Variants in ZNF599 observed in about 807,000 individuals in gnomAD.
The protein encoded by ZNF599 is zinc finger protein 599.
A neutral mutation model predicts 11.7 loss-of-function variants in ZNF599; 10 were observed. That is an observed-to-expected ratio of 0.86 (90% CI 0.53 to 1.45). The LOEUF (loss-of-function observed/expected upper bound fraction) is 1.45. Among genes scored for constraint, ZNF599 ranks in the 40% most tolerant of loss-of-function variants. The pLI, the probability that ZNF599 is intolerant of heterozygous loss-of-function variation, is 0.00. For synonymous variants in ZNF599, 232 were observed against 253.2 expected, an observed-to-expected ratio of 0.92 and a Z score of 0.79; for missense variants, 688 against 713.6, an observed-to-expected ratio of 0.96 and a Z score of 0.41.
the ZNF599 span, among the ~76,000 whole-genome samples, chr19:34,786,875 CA>C: frequency 3.1e-4 from 47 of 152,232 alleles, no homozygotes; most frequent in African/African-American, 1.1e-3. Context: ...AACCTACATT[CA>C]AAATGAAAAA....
At chr19:34,791,843 C>A in the ZNF599 span, 1 of 152,220 alleles carries the variant, frequency 6.6e-6, no homozygotes. Context: ...TTATGAGAGG[C>A]CTCTCTTCAC....
chr19:34,801,790 A>G, the ZNF599 span, among the ~76,000 whole-genome samples: 1 of 152,248 alleles, frequency 6.6e-6, no homozygotes, highest in Non-Finnish European at 1.5e-5. Context: ...TCAAAGGTAA[A>G]GGACTTATTT....
At chr19:34,781,848 T>G in the ZNF599 span, among the ~76,000 whole-genome samples, 30 of 152,096 alleles carry the variant, frequency 2.0e-4, no homozygotes, top group Non-Finnish European at 3.1e-4. Context: ...AACCCATGAA[T>G]TGTAGGCTAA....
chr19:34,774,450 CTG>C (rs1466061243), upstream of ZNF599, among the ~76,000 whole-genome samples: 3 of 152,182 alleles, frequency 2.0e-5, no homozygotes, highest in East Asian at 3.8e-4. Context: ...ATCCTGGACA[CTG>C]TGAAAAGTAA....
the ZNF599 span, among the ~76,000 whole-genome samples, chr19:34,786,039 G>T: frequency 3.4e-4 from 52 of 152,164 alleles, no homozygotes; most frequent in Non-Finnish European, 5.4e-4. Flanking sequence ...CATTTCAGGA[G>T]GATCATAGCT....
At chr19:34,786,152 T>G in the ZNF599 span, among the ~76,000 whole-genome samples, 1 of 152,164 alleles carries the variant, frequency 6.6e-6, no homozygotes, top group African/African-American at 2.4e-5. Flanking sequence ...TCCTTTGAAC[T>G]CTCTCCTCAC....
the ZNF599 span, among the ~76,000 whole-genome samples, chr19:34,785,491 C>T: frequency 6.6e-6 from 1 of 152,204 alleles, no homozygotes; most frequent in South Asian, 2.1e-4. Context: ...ACTCCTCACT[C>T]AGGCATTCCA....
At chr19:34,803,555 C>G in the ZNF599 span, among the ~76,000 whole-genome samples, 1 of 152,072 alleles carries the variant, frequency 6.6e-6, no homozygotes, top group African/African-American at 2.4e-5. Flanking sequence ...TTCTATAAAT[C>G]CACCCCATAT....
At chr19:34,795,132 C>G in the ZNF599 span, among the ~76,000 whole-genome samples, 3 of 151,980 alleles carry the variant, frequency 2.0e-5, no homozygotes, top group Non-Finnish European at 4.4e-5. Flanking sequence ...AAGCAAGGGC[C>G]AAAGATCAGT....
intron 3 of ZNF599, chr19:34,763,105 T>C (rs544498856): frequency 6.6e-6 from 1 of 152,304 alleles, no homozygotes; most frequent in East Asian, 1.9e-4. Context: ...AGTGGCCATG[T>C]ATGCAAGGGA....
chr19:34,771,332 T>C (rs1264805365), intron 1 of ZNF599, among the ~76,000 whole-genome samples: 2 of 152,164 alleles, frequency 1.3e-5, no homozygotes, highest in East Asian at 1.9e-4. Flanking sequence ...CTATGCAACC[T>C]TGGGTAGTTA....
At position 34,759,666 on chromosome 19, in the gene ZNF599, T is replaced by C; in HGVS notation, c.1135A>G (p.Asn379Asp). The C allele has an allele frequency of 6.2e-7, 1 of 1,614,216 alleles. No homozygotes were observed. Among genetic ancestry groups the C allele is most frequent in the South Asian group, 1.1e-5 (1 of 91,076 alleles). Residue 379 changes from asparagine (N) to aspartate (D), a missense_variant, in exon 4 of 4, where the codon AAC (asparagine) becomes GAC (aspartate). Transcript: ENST00000329285. ...CTCATGTGCTGAGTGAAGGATGAGT[T>C]GAGGCAAAAGGTTTTTCCACATTCT... Reference protein sequence around the residue: ...CKECGKTFCLNSSFTQHMRIH... With the variant: ...CKECGKTFCLDSSFTQHMRIH...
At chr19:34,769,581 G>C in intron 1 of ZNF599, 26 bp from the exon 2 acceptor site, 1 of 1,607,404 alleles carries the variant, frequency 6.2e-7, no homozygotes, top group Non-Finnish European at 8.5e-7. Flanking sequence ...GAGGTGACAG[G>C]TGGCTGTGGA....
chr19:34,792,697 A>G, the ZNF599 span, among the ~76,000 whole-genome samples: 3 of 152,038 alleles, frequency 2.0e-5, no homozygotes, highest in African/African-American at 7.2e-5. Context: ...ACCCGTCTCT[A>G]CTAAAAATAC....
upstream of ZNF599, chr19:34,773,274 G>A (rs1221363005): frequency 5.4e-6 from 1 of 184,412 alleles, no homozygotes; most frequent in Non-Finnish European, 1.1e-5. Flanking sequence ...TATGGCTTGG[G>A]GTCGGCTTCC....
At chr19:34,765,829 G>A (rs1251101897) in intron 3 of ZNF599, among the ~76,000 whole-genome samples, 1 of 152,206 alleles carries the variant, frequency 6.6e-6, no homozygotes. Context: ...GAGCACATGG[G>A]GGAAAACAGC....
At chr19:34,776,989 C>T (rs1381669612), upstream of ZNF599, among the ~76,000 whole-genome samples, 1 of 151,842 alleles carries the variant, frequency 6.6e-6, no homozygotes, top group Non-Finnish European at 1.5e-5. Flanking sequence ...TGACATGGCA[C>T]ACTGGTGGGT....
intron 3 of ZNF599, among the ~76,000 whole-genome samples, chr19:34,762,216 T>A (rs1025530980): frequency 2.0e-5 from 3 of 152,156 alleles, no homozygotes; most frequent in Non-Finnish European, 4.4e-5. Context: ...AAGACATACA[T>A]TGCCCAGTCA....
intron 1 of ZNF599, among the ~76,000 whole-genome samples, chr19:34,770,096 G>T (rs2069173034): frequency 6.6e-6 from 1 of 152,222 alleles, no homozygotes; most frequent in African/African-American, 2.4e-5. Context: ...CCGAACTGTT[G>T]TGAAAATTAA....
Sources: allele counts gnomAD v4.1 joint callset (sites outside exome capture counted in the v4.1 genomes callset), GRCh38; gene constraint gnomAD v4.1.1; transcripts MANE v1.5; gene names NCBI Gene and HGNC (gene_info 2026-07-23, HGNC 2026-07-21).